The following KIAA0319 variants were observed in gnomAD, a reference collection of about 807,000 sequenced individuals.
KIAA0319 encodes the protein dyslexia-associated protein KIAA0319.
A neutral mutation model predicts 108.4 loss-of-function variants in KIAA0319; 83 were observed. That is an observed-to-expected ratio of 0.77 (90% CI 0.64 to 0.92). The LOEUF (loss-of-function observed/expected upper bound fraction) is 0.92, where lower values mean the gene tolerates loss of function less well. KIAA0319 is among the 40% of genes least tolerant of loss of function. KIAA0319 has a pLI of 0.00. For missense variants in KIAA0319, 1,195 were observed against 1,322.4 expected (o/e 0.90, Z 1.49); for synonymous variants, 484 against 510.4 (o/e 0.95, Z 0.70).
At chr6:24,634,848 A>C (rs571791049) in intron 1 of KIAA0319, among the ~76,000 whole-genome samples, 1 of 152,360 alleles carries the variant, frequency 6.6e-6, no homozygotes, top group African/African-American at 2.4e-5. Flanking sequence ...CCTTTCTCCG[A>C]AGATGATTTT....
At position 24,575,112 on chromosome 6, in the gene KIAA0319, A is replaced by C. The variant is rs9918392; in HGVS notation, c.1734+1256T>G. On this transcript the variant is annotated intron_variant, in intron 10 of 20. Coordinates refer to ENST00000378214, the MANE Select transcript of KIAA0319 (RefSeq NM_014809.4). ...AAATATAAAAGGGTCTGATTCACAGACCTCATTTTGTGATTGCCCCAGTTA... is the reference window on the plus strand; with the variant it reads ...AAATATAAAAGGGTCTGATTCACAGCCCTCATTTTGTGATTGCCCCAGTTA... 8.3e-3 allele frequency among the ~76,000 whole-genome samples: 1,265 copies of C among 152,258 alleles called. 25 individuals carry two copies. Among genetic ancestry groups the C allele is most frequent in the African/African-American group, 0.029 (1,196 of 41,542 alleles).
At chr6:24,573,021 T>C (rs2127465076) in intron 10 of KIAA0319, among the ~76,000 whole-genome samples, 1 of 152,224 alleles carries the variant, frequency 6.6e-6, no homozygotes, top group Non-Finnish European at 1.5e-5. Context: ...CTTAAGAGGC[T>C]GAGGCACGAG....
intron 1 of KIAA0319, among the ~76,000 whole-genome samples, chr6:24,611,705 T>A (rs1253458685): frequency 6.6e-6 from 1 of 152,162 alleles, no homozygotes; most frequent in Non-Finnish European, 1.5e-5. Context: ...AGAAAAAGTC[T>A]GTCAACAGAC....
At chr6:24,570,953 G>A (rs959443766) in intron 11 of KIAA0319, among the ~76,000 whole-genome samples, 1 of 152,204 alleles carries the variant, frequency 6.6e-6, no homozygotes, top group African/African-American at 2.4e-5. Flanking sequence ...CACTTTGGGA[G>A]GCCGAGGCAG....
intron 9 of KIAA0319, 61 bp from the exon 10 acceptor site, chr6:24,576,657 C>A: frequency 1.5e-6 from 2 of 1,318,860 alleles, no homozygotes; most frequent in South Asian, 2.4e-5. Context: ...CAGTGACTCA[C>A]GCCTGTAATC....
At chr6:24,621,693 A>C (rs1319744158) in intron 1 of KIAA0319, among the ~76,000 whole-genome samples, 2 of 152,254 alleles carry the variant, frequency 1.3e-5, no homozygotes, top group African/African-American at 4.8e-5. Flanking sequence ...AACACAGGAA[A>C]ATAAGAATGG....
chr6:24,607,945 T>C (rs73390409), intron 1 of KIAA0319, among the ~76,000 whole-genome samples: 10,238 of 152,230 alleles, frequency 0.067, 807 homozygotes, highest in African/African-American at 0.19. Flanking sequence ...AGAAAAAAGA[T>C]GCTTAAATGC....
chr6:24,603,423 A>C (rs374557251), intron 1 of KIAA0319, among the ~76,000 whole-genome samples: 1 of 152,198 alleles, frequency 6.6e-6, no homozygotes, highest in Non-Finnish European at 1.5e-5. Context: ...AAAAACCTAG[A>C]TAAGGTTTCC....
chr6:24,584,797 G>T (rs1767194045), intron 4 of KIAA0319, among the ~76,000 whole-genome samples: 2 of 152,164 alleles, frequency 1.3e-5, no homozygotes. Context: ...TTATATACCG[G>T]ATTAAACTGT....
chr6:24,563,282 T>C lies in KIAA0319; in HGVS notation c.2591+77A>G, dbSNP rs757291169. 15 of 1,468,734 alleles carry C rather than the reference T, an allele frequency of 1.0e-5. No homozygotes were observed. In the East Asian group the frequency reaches 3.0e-4, roughly 30 times the overall value. The allele number at this position is 1,468,734 out of a possible 1,614,324, so 91.0% of individuals were successfully genotyped here. On this transcript the variant is annotated intron_variant, in intron 16 of 20. Transcript: ENST00000378214. Reference sequence around the variant, plus strand: ...ACAAAAGTAGCAGAGGAATGAACAGTTTTCTACTGGACTGGGATGAGGTAA... The same window carrying C: ...ACAAAAGTAGCAGAGGAATGAACAGCTTTCTACTGGACTGGGATGAGGTAA...
chr6:24,576,645 T>C (rs2127472939), intron 9 of KIAA0319, 49 bp from the exon 10 acceptor site: 1 of 1,453,188 alleles, frequency 6.9e-7, no homozygotes, highest in Non-Finnish European at 9.6e-7. Context: ...CCAGGCTGGG[T>C]GCAGTGACTC....
downstream of KIAA0319, among the ~76,000 whole-genome samples, chr6:24,540,812 G>A (rs7772344): frequency 0.015 from 2,223 of 152,170 alleles, 64 homozygotes; most frequent in African/African-American, 0.049. Flanking sequence ...GCAGAGTCCC[G>A]TGTACCCTTC....
chr6:24,551,647 T>C (rs1373751022), intron 19 of KIAA0319, 122 bp from the exon 20 acceptor site: 4 of 671,258 alleles, frequency 6.0e-6, no homozygotes, highest in Admixed American at 2.6e-5. Context: ...AGTTGGCGTC[T>C]TTTATTAAAG....
At chr6:24,598,563 G>A (rs566269251) in intron 2 of KIAA0319, 35 of 418,938 alleles carry the variant, frequency 8.4e-5, no homozygotes, top group South Asian at 6.2e-4. Flanking sequence ...TCAAGAACAA[G>A]TACAAGGACA....
chr6:24,547,357 C>T lies in KIAA0319; in HGVS notation c.3041-14G>A. ...GGTGCTTGATACCTAGAGAGAAGCA[C>T]AGAAGCATCTGAGGAGGAACGCCGT... On this transcript the variant is annotated splice_polypyrimidine_tract_variant and intron_variant, in intron 20 of 20. Transcript: ENST00000378214. The T allele has an allele frequency of 6.2e-7, 1 of 1,611,748 alleles. No homozygotes were observed. The highest frequency in any genetic ancestry group is 8.5e-7 in the Non-Finnish European group (1 of 1,178,288).
Position 24,547,126 on chromosome 6 carries a change from G to A in KIAA0319, c.*39C>T. 1 of 1,604,488 alleles carries A rather than the reference G, an allele frequency of 6.2e-7. No individual in the cohort carries two copies. Among genetic ancestry groups the A allele is most frequent in the Admixed American group, 1.7e-5 (1 of 59,934 alleles). ...CTGTAACTCCCACTGACTGGTCTTGGATTCAAGGGGTCCTTCCACTTTACA... is the reference window on the plus strand; with the variant it reads ...CTGTAACTCCCACTGACTGGTCTTGAATTCAAGGGGTCCTTCCACTTTACA... On this transcript the variant is annotated 3_prime_UTR_variant, in exon 21 of 21. Transcript: ENST00000378214.
chr6:24,622,141 A>G (rs1774037943), intron 1 of KIAA0319, among the ~76,000 whole-genome samples: 1 of 151,950 alleles, frequency 6.6e-6, no homozygotes. Context: ...TCACCCGTAC[A>G]CCCCAGAGGG....
In KIAA0319 at chr6:24,640,901, G is replaced by A. The variant is rs541665864; in HGVS notation, c.-106+4835C>T. Among the ~76,000 whole-genome samples, 13 of 152,070 alleles carry A rather than the reference G, an allele frequency of 8.5e-5. No individual in the cohort carries two copies. The South Asian group carries it at 2.5e-3, about 29-fold the overall frequency. ...CCTCCTGGGCTCAAGTCATCTGCCC[G>A]CCTCAGCCTCCCAAACCGCCGCAAT... On this transcript the variant is annotated intron_variant, in intron 1 of 20. Coordinates refer to ENST00000378214, the MANE Select transcript of KIAA0319 (RefSeq NM_014809.4).
At chr6:24,593,500 C>T (rs1161440986) in intron 3 of KIAA0319, among the ~76,000 whole-genome samples, 1 of 147,420 alleles carries the variant, frequency 6.8e-6, no homozygotes, top group Non-Finnish European at 1.5e-5. Flanking sequence ...TCACGCCATT[C>T]TCCTGCCTCA....
Sources: gnomAD v4.1 joint callset for allele counts (sites outside exome capture counted in the v4.1 genomes callset) on GRCh38, gnomAD v4.1.1 for gene constraint, MANE v1.5 for transcripts, NCBI Gene and HGNC (gene_info 2026-07-23, HGNC 2026-07-21) for gene names.